RALYL: variants seen among roughly 807,000 people sequenced by gnomAD.
The protein encoded by RALYL is RALY RNA binding protein like, also known as RNA-binding Raly-like protein.
RALYL carries 29 observed loss-of-function variants against 35.1 expected under a neutral mutation model. The observed-to-expected ratio is 0.83, with a 90% confidence interval of 0.61 to 1.13. RALYL has a LOEUF of 1.13. Ranked by LOEUF, RALYL falls within the 50% of genes most tolerant of loss-of-function variation. The pLI is 0.00. For missense variants in RALYL, 359 were observed against 360.4 expected, an observed-to-expected ratio of 1.00 and a Z score of 0.03; for synonymous variants, 120 against 127.6, an observed-to-expected ratio of 0.94 and a Z score of 0.40.
At chr8:84,900,836 G>A (rs1845562553) in intron 8 of RALYL, among the ~76,000 whole-genome samples, 1 of 152,136 alleles carries the variant, frequency 6.6e-6, no homozygotes, top group African/African-American at 2.4e-5. Flanking sequence ...AAAAAGCAAG[G>A]AAGATTTAAG....
chr8:84,906,168 A>C (rs1016005268), intron 8 of RALYL, among the ~76,000 whole-genome samples: 5 of 152,116 alleles, frequency 3.3e-5, no homozygotes, highest in Admixed American at 6.6e-5. Flanking sequence ...TCTGTGGCCT[A>C]AGTATTTTAT....
At chr8:84,324,672 A>C (rs1016895375) in intron 1 of RALYL, among the ~76,000 whole-genome samples, 2 of 151,584 alleles carry the variant, frequency 1.3e-5, no homozygotes, top group African/African-American at 4.9e-5. Flanking sequence ...TTTGTTTTAC[A>C]TTATTTAATA....
chr8:84,878,451 A>ATACT (rs1563796244), intron 7 of RALYL, among the ~76,000 whole-genome samples: 2 of 152,234 alleles, frequency 1.3e-5, no homozygotes, highest in Admixed American at 6.5e-5. Context: ...GTATCTCTCT[A>ATACT]TACTTACAAA....
intron 2 of RALYL, among the ~76,000 whole-genome samples, chr8:84,683,538 C>A (rs1024581385): frequency 7.2e-5 from 11 of 152,104 alleles, no homozygotes; most frequent in African/African-American, 2.7e-4. Flanking sequence ...GTATTGGGTG[C>A]ATATAAGATT....
intron 1 of RALYL, among the ~76,000 whole-genome samples, chr8:84,505,760 A>G (rs2057117010): frequency 6.6e-6 from 1 of 152,154 alleles, no homozygotes; most frequent in African/African-American, 2.4e-5. Context: ...TAAATGGTAA[A>G]GTTAGAATAG....
intron 1 of RALYL, among the ~76,000 whole-genome samples, chr8:84,456,237 A>G (rs2050119623): frequency 6.6e-6 from 1 of 151,978 alleles, no homozygotes; most frequent in Admixed American, 6.6e-5. Flanking sequence ...AAGTTTTTGA[A>G]TACATTAAAA....
chr8:84,184,119 T>C lies in RALYL; in HGVS notation c.-329T>C, dbSNP rs1811884312. ...TTTCCCTCCTGTTTTTGATACCCAT[T>C]GATAACATGAAACTTTTCTTACAGC... On this transcript the variant is annotated 5_prime_UTR_variant, in exon 1 of 9. Transcript: ENST00000521268. The C allele has an allele frequency of 6.6e-6, 1 of 152,180 alleles. No individual in the cohort carries two copies. The highest frequency in any genetic ancestry group is 1.5e-5 in the Non-Finnish European group (1 of 68,040). 9.4% of individuals were successfully genotyped at this position (152,180 alleles called of 1,614,324 possible). A position where few individuals can be genotyped will look rare whatever the true frequency, so the allele number is the denominator to read the frequency against.
At chr8:84,196,373 A>G (rs2130935942) in intron 1 of RALYL, among the ~76,000 whole-genome samples, 1 of 152,326 alleles carries the variant, frequency 6.6e-6, no homozygotes, top group South Asian at 2.1e-4. Flanking sequence ...AAACGATGCA[A>G]GTCATGCAAG....
chr8:84,649,663 A>G (rs2131496222), intron 2 of RALYL, among the ~76,000 whole-genome samples: 1 of 152,108 alleles, frequency 6.6e-6, no homozygotes, highest in South Asian at 2.1e-4. Flanking sequence ...TACCAGTACC[A>G]TGCTGTTTTG....
At chr8:84,344,863 A>G (rs1299475989) in intron 1 of RALYL, among the ~76,000 whole-genome samples, 1 of 152,016 alleles carries the variant, frequency 6.6e-6, no homozygotes, top group Non-Finnish European at 1.5e-5. Flanking sequence ...GTTGTTGCAA[A>G]TTATAGAATT....
At chr8:84,628,775 C>T (rs1329829106) in intron 2 of RALYL, among the ~76,000 whole-genome samples, 1 of 151,908 alleles carries the variant, frequency 6.6e-6, no homozygotes, top group Non-Finnish European at 1.5e-5. Flanking sequence ...CATCTACAAT[C>T]TCAGATTGAA....
chr8:84,286,565 C>T (rs1837665534), intron 1 of RALYL, among the ~76,000 whole-genome samples: 1 of 152,150 alleles, frequency 6.6e-6, no homozygotes, highest in South Asian at 2.1e-4. Flanking sequence ...GTGCTTAAAA[C>T]CCAAATTCTT....
At chr8:84,511,906 C>T (rs958956889) in intron 1 of RALYL, among the ~76,000 whole-genome samples, 3 of 152,108 alleles carry the variant, frequency 2.0e-5, no homozygotes, top group Non-Finnish European at 4.4e-5. Context: ...TATTCCATTG[C>T]GTATGTACAC....
At chr8:84,371,104 C>T (rs1280858051) in intron 1 of RALYL, among the ~76,000 whole-genome samples, 1 of 151,936 alleles carries the variant, frequency 6.6e-6, no homozygotes, top group Non-Finnish European at 1.5e-5. Context: ...CCTCTTGCTC[C>T]TCCTCACGGA....
chr8:84,269,715 T>C (rs180946925), intron 1 of RALYL, among the ~76,000 whole-genome samples: 10 of 152,216 alleles, frequency 6.6e-5, no homozygotes, highest in Admixed American at 2.6e-4. Context: ...TGAGTGTTTG[T>C]GATATAATAC....
At chr8:84,867,940 T>G (rs1458844162) in intron 6 of RALYL, among the ~76,000 whole-genome samples, 1 of 152,150 alleles carries the variant, frequency 6.6e-6, no homozygotes, top group African/African-American at 2.4e-5. Context: ...ACCAGAAAAT[T>G]TAAAAATGTG....
At chr8:84,910,519 A>C (rs1485173280) in intron 8 of RALYL, among the ~76,000 whole-genome samples, 1 of 152,086 alleles carries the variant, frequency 6.6e-6, no homozygotes, top group Non-Finnish European at 1.5e-5. Flanking sequence ...TCTCAAAACA[A>C]AAAATCTGTT....
intron 1 of RALYL, among the ~76,000 whole-genome samples, chr8:84,336,847 A>G (rs1461812677): frequency 6.6e-6 from 1 of 151,982 alleles, no homozygotes; most frequent in Non-Finnish European, 1.5e-5. Flanking sequence ...TGCGCAATGT[A>G]GTGGAGCAGA....
chr8:84,779,088 C>G (rs1054646453), intron 3 of RALYL, among the ~76,000 whole-genome samples: 1 of 152,044 alleles, frequency 6.6e-6, no homozygotes, highest in African/African-American at 2.4e-5. Flanking sequence ...TGGACCTGGC[C>G]CTAATGGTGA....
Sources: allele counts gnomAD v4.1 joint callset (sites outside exome capture counted in the v4.1 genomes callset), GRCh38; gene constraint gnomAD v4.1.1; transcripts MANE v1.5; gene names NCBI Gene and HGNC (gene_info 2026-07-23, HGNC 2026-07-21).